IL1RAPL2: variants seen among roughly 807,000 people sequenced by gnomAD.
IL1RAPL2 encodes interleukin 1 receptor accessory protein like 2, also known as X-linked interleukin-1 receptor accessory protein-like 2.
Under a neutral mutation model 44.1 loss-of-function variants are expected in IL1RAPL2, and 3 were observed. That is an observed-to-expected ratio of 0.07 (90% confidence interval 0.03 to 0.18). The LOEUF (loss-of-function observed/expected upper bound fraction) is 0.18. Ranked by LOEUF, IL1RAPL2 falls within the 10% of genes least tolerant of loss-of-function variation. The pLI is 1.00. For missense variants in IL1RAPL2, 391 were observed against 496.4 expected (o/e 0.79, Z 2.02); for synonymous variants, 181 against 178.8 (o/e 1.01, Z -0.10).
At chrX:105,673,809 T>C (rs919355954) in intron 6 of IL1RAPL2, among the ~76,000 whole-genome samples, 1 of 112,235 alleles carries the variant, frequency 8.9e-6, no homozygotes, top group African/African-American at 3.2e-5. Context: ...TTCCTCTTTC[T>C]CTGCAGCCTC....
chrX:104,926,973 G>A (rs1421476143), intron 2 of IL1RAPL2, among the ~76,000 whole-genome samples: 1 of 111,652 alleles, frequency 9.0e-6, no homozygotes, highest in Non-Finnish European at 1.9e-5. Flanking sequence ...AACTAGCTGT[G>A]TGACTTTGGG....
At chrX:105,063,875 C>A (rs2032104639) in intron 2 of IL1RAPL2, among the ~76,000 whole-genome samples, 1 of 111,906 alleles carries the variant, frequency 8.9e-6, no homozygotes, top group Admixed American at 9.5e-5. Context: ...GCCTTGTTTT[C>A]TTCCCTTACT....
At chrX:104,631,404 G>T (rs1929645771) in intron 1 of IL1RAPL2, among the ~76,000 whole-genome samples, 2 of 111,707 alleles carry the variant, frequency 1.8e-5, no homozygotes, top group African/African-American at 6.5e-5. Flanking sequence ...GATACCTGAG[G>T]AATCGCCACA....
Position 104,937,495 on chromosome X carries a change from C to T in IL1RAPL2, c.83-257980C>T, listed in dbSNP as rs1345964944. Among the ~76,000 whole-genome samples, 9 of 112,144 alleles carry T rather than the reference C, an allele frequency of 8.0e-5. No homozygotes were observed. The South Asian group carries it at 1.5e-3, about 19-fold the overall frequency. ...TACAAACTCCCATTTGAAAGTGATACCCATCACTTCTGTTCACATTCCATT... is the reference window on the plus strand; with the variant it reads ...TACAAACTCCCATTTGAAAGTGATATCCATCACTTCTGTTCACATTCCATT... On this transcript the variant is annotated intron_variant, in intron 2 of 10. Coordinates refer to ENST00000372582, the MANE Select transcript of IL1RAPL2 (RefSeq NM_017416.2).
At chrX:105,381,744 G>T (rs1007967045) in intron 5 of IL1RAPL2, among the ~76,000 whole-genome samples, 7 of 111,172 alleles carry the variant, frequency 6.3e-5, no homozygotes, top group African/African-American at 2.3e-4. Context: ...TCTTTGTATT[G>T]GGAACATTCC....
intron 6 of IL1RAPL2, among the ~76,000 whole-genome samples, chrX:105,528,014 C>T (rs1331973375): frequency 1.8e-5 from 2 of 112,001 alleles, no homozygotes; most frequent in South Asian, 3.7e-4. Flanking sequence ...CCTGCAAGGG[C>T]TATCAATCAT....
chrX:105,410,246 A>T (rs1286838843), intron 5 of IL1RAPL2, among the ~76,000 whole-genome samples: 1 of 110,668 alleles, frequency 9.0e-6, no homozygotes, highest in Non-Finnish European at 1.9e-5. Context: ...TATGGGAGTC[A>T]TCAGTATCTA....
intron 2 of IL1RAPL2, among the ~76,000 whole-genome samples, chrX:105,122,812 A>G (rs1313025682): frequency 9.0e-6 from 1 of 111,436 alleles, no homozygotes. Context: ...TTAGTGAGCA[A>G]AATGAAGTCT....
At chrX:104,648,259 A>T (rs1403578637) in intron 1 of IL1RAPL2, among the ~76,000 whole-genome samples, 2 of 112,059 alleles carry the variant, frequency 1.8e-5, no homozygotes, top group Non-Finnish European at 3.8e-5. Flanking sequence ...TTATGAATGT[A>T]TCACCCCTAC....
At position 105,637,595 on chromosome X, in the gene IL1RAPL2, GC is replaced by G. The variant is rs35771946; in HGVS notation, c.773-79764del. ...GTCTGTTCTTAGTATTAAATTATTT[GC>G]CCCCCCCATTTCCATTAATTTGCAG... is the stretch of plus-strand genomic sequence containing the variant. On this transcript the variant is annotated intron_variant, in intron 6 of 10. Transcript: ENST00000372582. 2.2e-3 allele frequency among the ~76,000 whole-genome samples: 238 copies of G among 106,202 alleles called. 2 individuals are homozygous for G. Among genetic ancestry groups the G allele is most frequent in the Non-Finnish European group, 3.8e-3 (193 of 51,355 alleles). The allele number at this position is 106,202 out of a possible 115,157, so 92.2% of individuals were successfully genotyped here.
At chrX:105,586,708 G>C (rs746285061) in intron 6 of IL1RAPL2, among the ~76,000 whole-genome samples, 1 of 111,921 alleles carries the variant, frequency 8.9e-6, no homozygotes. Context: ...CTCCATTTTG[G>C]TGGTTGGTTC....
intron 2 of IL1RAPL2, among the ~76,000 whole-genome samples, chrX:105,020,711 A>C (rs775990423): frequency 3.6e-5 from 4 of 111,612 alleles, no homozygotes; most frequent in African/African-American, 1.3e-4. Context: ...TCTTATTGCT[A>C]TCTCTGGGAA....
Position 105,506,756 on chromosome X carries a change from C to T in IL1RAPL2, c.772+22369C>T, listed in dbSNP as rs140646340. On this transcript the variant is annotated intron_variant, in intron 6 of 10. Transcript: ENST00000372582. ...TTATAAGTCGTAAGATCAAATGAGA[C>T]GTCAGAATATTTCAAACTGAGGAGC... 5.7e-3 allele frequency among the ~76,000 whole-genome samples: 632 copies of T among 111,829 alleles called. 5 individuals carry two copies. Among genetic ancestry groups the T allele is most frequent in the African/African-American group, 0.019 (592 of 30,870 alleles).
At chrX:105,193,728 C>T (rs1185771549) in intron 2 of IL1RAPL2, among the ~76,000 whole-genome samples, 4 of 112,147 alleles carry the variant, frequency 3.6e-5, no homozygotes, top group African/African-American at 1.3e-4. Flanking sequence ...TTAGTCTAAA[C>T]CACTGTACCT....
intron 6 of IL1RAPL2, among the ~76,000 whole-genome samples, chrX:105,671,939 G>T (rs1046652083): frequency 8.1e-5 from 9 of 110,615 alleles, no homozygotes; most frequent in African/African-American, 2.0e-4. Flanking sequence ...CTGTTTTTGA[G>T]CCCATCTATT....
chrX:105,504,702 G>A (rs909830897), intron 6 of IL1RAPL2, among the ~76,000 whole-genome samples: 1 of 111,232 alleles, frequency 9.0e-6, no homozygotes, highest in African/African-American at 3.3e-5. Context: ...TAAGTAGTTT[G>A]GGAAGTAGAG....
At chrX:105,160,666 A>G (rs61496011) in intron 2 of IL1RAPL2, among the ~76,000 whole-genome samples, 1 of 111,449 alleles carries the variant, frequency 9.0e-6, no homozygotes, top group African/African-American at 3.3e-5. Flanking sequence ...CTAAGAGAGA[A>G]TGTAGGGGAG....
chrX:104,931,578 G>T (rs893287715), intron 2 of IL1RAPL2, among the ~76,000 whole-genome samples: 1 of 111,201 alleles, frequency 9.0e-6, no homozygotes. Context: ...GGGTAGTAGC[G>T]AAAGCTGTGG....
At position 105,767,044 on chromosome X, in the gene IL1RAPL2, C is replaced by G. The variant is rs747125580; in HGVS notation, c.1444C>G (p.Arg482Gly). The G allele has an allele frequency of 1.7e-6, 2 of 1,205,399 alleles. No homozygotes were observed. Among genetic ancestry groups the G allele is most frequent in the South Asian group, 3.5e-5 (2 of 56,801 alleles). ...IVLTPDYILR[R>G]GWSIFELESR... The stretch of plus-strand genomic sequence containing the variant: ...GCTAACTCCAGACTATATTCTCAGA[C>G]GGGGATGGAGTATTTTCGAACTGGA... Residue 482 changes from arginine (R) to glycine (G), a missense_variant, in exon 11 of 11, where the codon CGG (arginine) becomes GGG (glycine). This residue lies in a region of IL1RAPL2 where 232 missense variants were observed against 244.8 expected (regional missense o/e 0.95). Coordinates refer to ENST00000372582, the MANE Select transcript of IL1RAPL2 (RefSeq NM_017416.2).
Sources: gnomAD v4.1 joint callset for allele counts (sites outside exome capture counted in the v4.1 genomes callset) on GRCh38, gnomAD v4.1.1 for gene constraint, gnomAD v4.1.1 regional missense constraint, MANE v1.5 for transcripts, NCBI Gene and HGNC (gene_info 2026-07-23, HGNC 2026-07-21) for gene names.